The following TXLNG variants were observed in gnomAD, a reference collection of about 807,000 sequenced individuals.
TXLNG encodes the protein gamma-taxilin.
In TXLNG, 5 loss-of-function variants were observed where a neutral mutation model predicts 38.8. The ratio of observed to expected loss-of-function variants is 0.13; its 90% CI spans 0.07 to 0.27. TXLNG has a LOEUF of 0.27. Ranked by LOEUF, TXLNG falls within the 10% of genes least tolerant of loss-of-function variation. The pLI, the probability that TXLNG is intolerant of heterozygous loss-of-function variation, is 1.00. For missense variants in TXLNG, 393 were observed against 398.2 expected (o/e 0.99, Z 0.11); for synonymous variants, 182 against 158.2 (o/e 1.15, Z -1.13).
intron 1 of TXLNG, among the ~76,000 whole-genome samples, chrX:16,797,472 G>A (rs990910126): frequency 4.5e-5 from 5 of 111,611 alleles, no homozygotes; most frequent in Admixed American, 9.6e-5. Flanking sequence ...GCTTGACTGG[G>A]AAAGATCCAC....
intron 1 of TXLNG, among the ~76,000 whole-genome samples, chrX:16,789,074 C>T (rs1278404343): frequency 8.9e-6 from 1 of 111,923 alleles, no homozygotes. Flanking sequence ...TCCAGCTTAA[C>T]TTCTATCCTT....
At chrX:16,830,883 G>GTGTA (rs1185945379) in intron 5 of TXLNG, among the ~76,000 whole-genome samples, 1 of 90,828 alleles carries the variant, frequency 1.1e-5, no homozygotes. Context: ...GTGTGTGTGT[G>GTGTA]TGTATAGAGA....
chrX:16,842,130 A>G lies in TXLNG; in HGVS notation c.*364A>G, dbSNP rs146136623. On this transcript the variant is annotated 3_prime_UTR_variant, in exon 10 of 10. Transcript: ENST00000380122. ...ACGATGGTTCCTTGATGTGAAAACA[A>G]TATTAATTTAAACGTCTTAGCCCCC... is the stretch of plus-strand genomic sequence containing the variant. The G allele has an allele frequency of 5.9e-3, 760 of 128,354 alleles. 10 individuals are homozygous for G. Among genetic ancestry groups the G allele is most frequent in the African/African-American group, 0.025 (699 of 28,254 alleles). 10.6% of individuals were successfully genotyped at this position (128,354 alleles called of 1,213,427 possible).
At chrX:16,811,437 A>G (rs980175345) in intron 1 of TXLNG, among the ~76,000 whole-genome samples, 5 of 110,626 alleles carry the variant, frequency 4.5e-5, no homozygotes, top group Non-Finnish European at 7.6e-5. Flanking sequence ...GCTTGCTGCA[A>G]CTTCCGCCTC....
At chrX:16,812,455 G>A (rs75176753) in intron 1 of TXLNG, among the ~76,000 whole-genome samples, 5 of 100,258 alleles carry the variant, frequency 5.0e-5, no homozygotes, top group African/African-American at 7.4e-5. Context: ...ATGCAGTGGC[G>A]CGATCTCGGC....
chrX:16,786,635 T>C, intron 1 of TXLNG, 46 bp downstream of exon 1: 1 of 924,108 alleles, frequency 1.1e-6, no homozygotes, highest in South Asian at 2.9e-5. Context: ...CGGGGGATGT[T>C]TGGGCTCCCT....
intron 1 of TXLNG, among the ~76,000 whole-genome samples, chrX:16,788,755 C>T (rs1457138237): frequency 9.7e-6 from 1 of 103,140 alleles, no homozygotes; most frequent in South Asian, 4.6e-4. Flanking sequence ...GCATCTTCCA[C>T]CTCGTGGGTT....
At position 16,830,830 on chromosome X, in the gene TXLNG, CGTGTGTGTGTGTGTGTGT is replaced by C. The variant is rs1186714021; in HGVS notation, c.864+1099_864+1116del. On this transcript the variant is annotated intron_variant, in intron 5 of 9. Coordinates refer to ENST00000380122, the MANE Select transcript of TXLNG (RefSeq NM_018360.3). ...GCTTCAGCAGATGAAACCGTAATTCCGTGTGTGTGTGTGTGTGTGTGTGTGTGTGTGTGTGTGTGTGTG... is the reference window on the plus strand; with the variant it reads ...GCTTCAGCAGATGAAACCGTAATTCCGTGTGTGTGTGTGTGTGTGTGTGTG... Among the ~76,000 whole-genome samples, 28 of 37,935 alleles carry C rather than the reference CGTGTGTGTGTGTGTGTGT, an allele frequency of 7.4e-4. 1 individual carries two copies. The highest frequency in any genetic ancestry group is 3.3e-3 in the African/African-American group (21 of 6,396). 32.9% of individuals were successfully genotyped at this position (37,935 alleles called of 115,157 possible).
intron 1 of TXLNG, among the ~76,000 whole-genome samples, chrX:16,808,649 G>A (rs1602370959): frequency 9.0e-6 from 1 of 111,497 alleles, no homozygotes; most frequent in Non-Finnish European, 1.9e-5. Context: ...CATATGGTAT[G>A]TGCTACAGGG....
intron 1 of TXLNG, among the ~76,000 whole-genome samples, chrX:16,801,976 C>T (rs1251024716): frequency 1.4e-5 from 1 of 73,158 alleles, no homozygotes; most frequent in Non-Finnish European, 2.4e-5. Context: ...TTTTTTGAGA[C>T]GGAGTCTTGC....
rs1283194289 is a variant in TXLNG at position 16,842,654 on chromosome X, C to G, written c.*888C>G. ...ACGGTCAATTCACGTGTCACTTTCA[C>G]TAGGCAGAAGTTTCTCCAATACCTT... On this transcript the variant is annotated 3_prime_UTR_variant, in exon 10 of 10. Coordinates refer to ENST00000380122, the MANE Select transcript of TXLNG (RefSeq NM_018360.3). 8.9e-6 allele frequency: 1 copy of G among 112,638 alleles called. No homozygotes were observed. Among genetic ancestry groups the G allele is most frequent in the African/African-American group, 3.2e-5 (1 of 31,001 alleles). 9.3% of individuals were successfully genotyped at this position (112,638 alleles called of 1,213,427 possible).
At chrX:16,824,980 C>T (rs928047939) in intron 3 of TXLNG, among the ~76,000 whole-genome samples, 1 of 108,065 alleles carries the variant, frequency 9.3e-6, no homozygotes, top group Admixed American at 9.9e-5. Flanking sequence ...ATATTTCCAA[C>T]AAATATAACC....
intron 1 of TXLNG, among the ~76,000 whole-genome samples, chrX:16,808,016 A>G (rs1191191349): frequency 8.9e-6 from 1 of 112,195 alleles, no homozygotes; most frequent in East Asian, 2.8e-4. Context: ...AAAAATTTCT[A>G]TGATAGTTGT....
intron 4 of TXLNG, among the ~76,000 whole-genome samples, chrX:16,828,902 T>C (rs1929273749): frequency 9.0e-6 from 1 of 111,614 alleles, no homozygotes; most frequent in African/African-American, 3.3e-5. Context: ...ACTCCCTTTA[T>C]GCCCCAACAA....
At chrX:16,825,925 C>T (rs1260160325) in intron 3 of TXLNG, among the ~76,000 whole-genome samples, 3 of 112,042 alleles carry the variant, frequency 2.7e-5, no homozygotes, top group Admixed American at 9.5e-5. Context: ...AATCGAGTTG[C>T]GCTGTCCAAG....
rs957419436 is a variant in TXLNG, at chrX:16,827,781, C to G, written c.499-313C>G. On this transcript the variant is annotated intron_variant, in intron 3 of 9. Transcript: ENST00000380122. ...TAGGCAACTTATTAATGTCTCCAGGCTTATACATTTCTTCTATAAAACCTG... is the reference window on the plus strand; with the variant it reads ...TAGGCAACTTATTAATGTCTCCAGGGTTATACATTTCTTCTATAAAACCTG... Among the ~76,000 whole-genome samples, 15 of 111,655 alleles carry G rather than the reference C, an allele frequency of 1.3e-4. No homozygotes were observed. The East Asian group carries it at 4.2e-3, about 31-fold the overall frequency.
At chrX:16,788,563 T>A (rs1927582332) in intron 1 of TXLNG, among the ~76,000 whole-genome samples, 1 of 110,988 alleles carries the variant, frequency 9.0e-6, no homozygotes, top group South Asian at 3.8e-4. Context: ...CCAGCTATGG[T>A]GGCATGCACC....
rs967843134 is a variant in TXLNG at position 16,828,023 on chromosome X, C to G, written c.499-71C>G. 3 of 992,220 alleles carry G rather than the reference C, an allele frequency of 3.0e-6. No homozygotes were observed. In the South Asian group the frequency reaches 8.3e-5, roughly 28 times the overall value. The allele number at this position is 992,220 out of a possible 1,213,427, so 81.8% of individuals were successfully genotyped here. On this transcript the variant is annotated intron_variant, in intron 3 of 9. Transcript: ENST00000380122. ...TTTTGAAAATGTGTTCCATAGCTCTCATTATAATTCTAGCCATAACTGTAA... is the reference window on the plus strand; with the variant it reads ...TTTTGAAAATGTGTTCCATAGCTCTGATTATAATTCTAGCCATAACTGTAA...
rs768032246 is a variant in TXLNG at position 16,841,787 on chromosome X, T to C, written c.*21T>C. 3.4e-6 allele frequency: 4 copies of C among 1,167,786 alleles called. No homozygotes were observed. The highest frequency in any genetic ancestry group is 2.5e-5 in the Admixed American group (1 of 40,691). On this transcript the variant is annotated 3_prime_UTR_variant, in exon 10 of 10. Coordinates refer to ENST00000380122, the MANE Select transcript of TXLNG (RefSeq NM_018360.3). ...ACTAAGATGAGGTGTGATCACTGTA[T>C]TGAGAGATATATTTTGTGTATAACT...
Sources: allele counts gnomAD v4.1 joint callset (sites outside exome capture counted in the v4.1 genomes callset), GRCh38; gene constraint gnomAD v4.1.1; transcripts MANE v1.5; gene names NCBI Gene and HGNC (gene_info 2026-07-23, HGNC 2026-07-21).